TMEM196: variants seen among roughly 807,000 people sequenced by gnomAD.
The protein encoded by TMEM196 is transmembrane protein 196.
A neutral mutation model predicts 20.0 loss-of-function variants in TMEM196; 17 were observed. The observed-to-expected ratio is 0.85, with a 90% CI of 0.58 to 1.27. The LOEUF is 1.27. Ranked by LOEUF, TMEM196 falls within the 50% of genes most tolerant of loss-of-function variation. The pLI is 0.00. For missense variants in TMEM196, 267 were observed against 223.0 expected (o/e 1.20, Z -1.26); for synonymous variants, 113 against 88.9 (o/e 1.27, Z -1.52).
At chr7:19,752,438 T>G (rs577830363) in intron 1 of TMEM196, among the ~76,000 whole-genome samples, 7 of 152,286 alleles carry the variant, frequency 4.6e-5, no homozygotes, top group African/African-American at 1.7e-4. Flanking sequence ...TTAGCTTTTA[T>G]TCAAGGCCTC....
intron 1 of TMEM196, among the ~76,000 whole-genome samples, chr7:19,766,647 A>G (rs375932792): frequency 2.0e-5 from 3 of 151,622 alleles, no homozygotes; most frequent in Admixed American, 6.6e-5. Flanking sequence ...AAGTAAAATG[A>G]TGGTTCAAAC....
chr7:19,752,360 C>G (rs1360204531), intron 1 of TMEM196, among the ~76,000 whole-genome samples: 1 of 152,150 alleles, frequency 6.6e-6, no homozygotes, highest in Non-Finnish European at 1.5e-5. Context: ...ATTGATTCCC[C>G]TCTCCTCCTA....
At chr7:19,756,920 C>T (rs1040240458) in intron 1 of TMEM196, among the ~76,000 whole-genome samples, 2 of 152,084 alleles carry the variant, frequency 1.3e-5, no homozygotes, top group African/African-American at 2.4e-5. Context: ...TTCACACTAG[C>T]CACATCTCAA....
At chr7:19,757,698 A>G (rs1583453641) in intron 1 of TMEM196, among the ~76,000 whole-genome samples, 2 of 152,198 alleles carry the variant, frequency 1.3e-5, no homozygotes, top group East Asian at 3.9e-4. Context: ...TTTACTCCAA[A>G]GTAACTGATC....
intron 1 of TMEM196, among the ~76,000 whole-genome samples, chr7:19,734,862 A>G (rs1482264751): frequency 6.6e-6 from 1 of 152,264 alleles, no homozygotes; most frequent in African/African-American, 2.4e-5. Context: ...ATTATTCCAC[A>G]TAAAACTAAA....
chr7:19,766,357 G>A (rs1386771862), intron 1 of TMEM196, among the ~76,000 whole-genome samples: 1 of 151,834 alleles, frequency 6.6e-6, no homozygotes, highest in Non-Finnish European at 1.5e-5. Flanking sequence ...TAATTATCAA[G>A]GCATTGTCCA....
At chr7:19,750,612 T>C (rs1405393836) in intron 1 of TMEM196, among the ~76,000 whole-genome samples, 1 of 152,168 alleles carries the variant, frequency 6.6e-6, no homozygotes, top group African/African-American at 2.4e-5. Flanking sequence ...GGCCATTTTC[T>C]ACTCCCAAAT....
intron 1 of TMEM196, among the ~76,000 whole-genome samples, chr7:19,770,545 C>G (rs1416230240): frequency 6.6e-6 from 1 of 152,136 alleles, no homozygotes. Flanking sequence ...TAAAAGTGAG[C>G]AACTGTTTGG....
At chr7:19,741,203 C>A (rs549676022) in intron 1 of TMEM196, among the ~76,000 whole-genome samples, 29 of 152,090 alleles carry the variant, frequency 1.9e-4, no homozygotes, top group Non-Finnish European at 3.5e-4. Flanking sequence ...TCCATATAAA[C>A]AATGGAATTC....
chr7:19,765,024 T>C (rs1339622656), intron 1 of TMEM196, among the ~76,000 whole-genome samples: 1 of 152,166 alleles, frequency 6.6e-6, no homozygotes, highest in Non-Finnish European at 1.5e-5. Flanking sequence ...ACTAAGCTGA[T>C]TAAATAACAG....
chr7:19,752,027 T>A (rs984530062), intron 1 of TMEM196, among the ~76,000 whole-genome samples: 3 of 152,250 alleles, frequency 2.0e-5, no homozygotes, highest in Non-Finnish European at 4.4e-5. Flanking sequence ...AAAGGAAGTC[T>A]TCGAAATGCT....
intron 1 of TMEM196, among the ~76,000 whole-genome samples, chr7:19,737,512 G>T (rs1193829285): frequency 6.6e-6 from 1 of 151,850 alleles, no homozygotes; most frequent in African/African-American, 2.4e-5. Context: ...GAACAATAAA[G>T]ATGTTTTTTC....
At chr7:19,738,354 A>C (rs1784474925) in intron 1 of TMEM196, among the ~76,000 whole-genome samples, 1 of 152,100 alleles carries the variant, frequency 6.6e-6, no homozygotes, top group South Asian at 2.1e-4. Flanking sequence ...TTTTTAGTTT[A>C]ATATAGATAC....
chr7:19,770,098 TC>T (rs1373329353), intron 1 of TMEM196, among the ~76,000 whole-genome samples: 1 of 152,202 alleles, frequency 6.6e-6, no homozygotes, highest in Non-Finnish European at 1.5e-5. Flanking sequence ...GTACATTGAT[TC>T]TAAGTCCTGA....
intron 1 of TMEM196, among the ~76,000 whole-genome samples, chr7:19,755,860 C>T (rs943469955): frequency 1.3e-5 from 2 of 152,164 alleles, no homozygotes; most frequent in Admixed American, 6.5e-5. Context: ...AAAACCCTGT[C>T]TCCACTAAAA....
At chr7:19,736,254 T>C (rs892143063) in intron 1 of TMEM196, among the ~76,000 whole-genome samples, 8 of 150,820 alleles carry the variant, frequency 5.3e-5, no homozygotes, top group Non-Finnish European at 1.2e-4. Flanking sequence ...TGCTGATGAT[T>C]GTGTTTTTCT....
intron 1 of TMEM196, among the ~76,000 whole-genome samples, chr7:19,738,302 A>G (rs189603620): frequency 1.3e-5 from 2 of 152,250 alleles, no homozygotes; most frequent in African/African-American, 4.8e-5. Flanking sequence ...AGAATGATCC[A>G]CATCGTAAGG....
intron 3 of TMEM196, among the ~76,000 whole-genome samples, chr7:19,724,554 A>G (rs1562604739): frequency 6.6e-6 from 1 of 152,224 alleles, no homozygotes; most frequent in Non-Finnish European, 1.5e-5. Context: ...GGACATGCAT[A>G]GCTGTGTTTA....
chr7:19,772,093 A>G (rs1229408878), intron 1 of TMEM196, among the ~76,000 whole-genome samples: 3 of 152,126 alleles, frequency 2.0e-5, no homozygotes, highest in Non-Finnish European at 2.9e-5. Flanking sequence ...CCAGGGATAA[A>G]TGCATAACTA....
Sources: gnomAD v4.1 joint callset for allele counts (sites outside exome capture counted in the v4.1 genomes callset) on GRCh38, gnomAD v4.1.1 for gene constraint, MANE v1.5 for transcripts, NCBI Gene and HGNC (gene_info 2026-07-23, HGNC 2026-07-21) for gene names.